Variants in PPP1R1C observed in about 807,000 individuals in gnomAD.
PPP1R1C encodes protein phosphatase 1 regulatory subunit 1C.
PPP1R1C carries 15 observed loss-of-function variants against 17.4 expected under a neutral mutation model. That is an observed-to-expected ratio of 0.86 (90% CI 0.58 to 1.33). The LOEUF (loss-of-function observed/expected upper bound fraction) is 1.33, where lower values mean the gene tolerates loss of function less well. Among genes scored for constraint, PPP1R1C ranks in the 40% most tolerant of loss-of-function variants. PPP1R1C has a pLI of 0.00. For synonymous variants in PPP1R1C, 35 were observed against 43.1 expected (o/e 0.81, Z 0.73); for missense variants, 143 against 130.0 (o/e 1.10, Z -0.48).
At chr2:181,997,197 C>T (rs1153739) in intron 2 of PPP1R1C, among the ~76,000 whole-genome samples, 5,424 of 149,862 alleles carry the variant, frequency 0.036, 365 homozygotes, top group Admixed American at 0.18. Context: ...CCACTGCACT[C>T]CAGCCTGGGC....
rs115692675 is a variant in PPP1R1C at position 181,987,666 on chromosome 2, T to C, written c.82-173T>C. On this transcript the variant is annotated intron_variant, in intron 1 of 4. Coordinates refer to ENST00000682840, the MANE Select transcript of PPP1R1C (RefSeq NM_001080545.3). ...ATACTTCTATCAGACAGTTCAATTC[T>C]GTGGCTTTCTATTATTTCAAAATAA... Among the ~76,000 whole-genome samples the C allele has an allele frequency of 3.7e-3, 559 of 152,360 alleles. 5 individuals are homozygous for C. Among genetic ancestry groups the C allele is most frequent in the African/African-American group, 0.013 (539 of 41,590 alleles).
At chr2:182,058,005 T>G (rs1268279876) in intron 2 of PPP1R1C, among the ~76,000 whole-genome samples, 1 of 152,142 alleles carries the variant, frequency 6.6e-6, no homozygotes, top group Admixed American at 6.6e-5. Context: ...GAGCACCTTC[T>G]TCACACACAG....
chr2:182,096,526 C>T (rs1574449294), intron 4 of PPP1R1C, among the ~76,000 whole-genome samples: 1 of 149,598 alleles, frequency 6.7e-6, no homozygotes, highest in Non-Finnish European at 1.5e-5. Flanking sequence ...CTGGTGGCTC[C>T]GACTCCCGTG....
chr2:182,000,586 C>A (rs1192078310), intron 2 of PPP1R1C, among the ~76,000 whole-genome samples: 1 of 152,046 alleles, frequency 6.6e-6, no homozygotes, highest in African/African-American at 2.4e-5. Flanking sequence ...GCAACAGTTA[C>A]CATAGAGACA....
At chr2:182,029,425 C>G (rs1419574472) in intron 2 of PPP1R1C, among the ~76,000 whole-genome samples, 2 of 152,088 alleles carry the variant, frequency 1.3e-5, no homozygotes, top group East Asian at 1.9e-4. Flanking sequence ...CCAAATCTCT[C>G]AGCATTTGCT....
intron 4 of PPP1R1C, among the ~76,000 whole-genome samples, chr2:182,074,333 G>C (rs1248973396): frequency 6.6e-6 from 1 of 152,030 alleles, no homozygotes; most frequent in Admixed American, 6.6e-5. Context: ...GAGACACTGC[G>C]CCCAGCCAAA....
chr2:182,099,591 G>A (rs1000799454), intron 4 of PPP1R1C, among the ~76,000 whole-genome samples: 2 of 152,162 alleles, frequency 1.3e-5, no homozygotes, highest in Admixed American at 6.5e-5. Context: ...AAGAATTATA[G>A]AATCATGGAT....
chr2:182,064,057 T>TA (rs1162653327), intron 4 of PPP1R1C: 7 of 426,034 alleles, frequency 1.6e-5, no homozygotes, highest in East Asian at 1.5e-4. Flanking sequence ...GATTTTTTTT[T>TA]ACCGTTATTC....
chr2:182,024,502 C>A (rs184496468), intron 2 of PPP1R1C, among the ~76,000 whole-genome samples: 1 of 151,430 alleles, frequency 6.6e-6, no homozygotes, highest in Non-Finnish European at 1.5e-5. Flanking sequence ...TGTTACCTCT[C>A]GGTGAAGAAA....
chr2:182,026,350 G>A (rs1294851632), intron 2 of PPP1R1C, among the ~76,000 whole-genome samples: 44 of 141,642 alleles, frequency 3.1e-4, no homozygotes, highest in African/African-American at 9.5e-4. Context: ...TAGGTCTAAC[G>A]TTTAAGTCTT....
At chr2:182,118,470 G>T (rs971619182), downstream of PPP1R1C, among the ~76,000 whole-genome samples, 1 of 152,012 alleles carries the variant, frequency 6.6e-6, no homozygotes, top group African/African-American at 2.4e-5. Context: ...AAATTCAAAT[G>T]TATCATGGAT....
intron 4 of PPP1R1C, among the ~76,000 whole-genome samples, chr2:182,102,221 CT>C (rs1384903606): frequency 3.9e-5 from 6 of 152,162 alleles, no homozygotes; most frequent in Non-Finnish European, 7.3e-5. Flanking sequence ...ATAAATATGT[CT>C]GTTATTCTAT....
chr2:182,092,460 C>T (rs1438559704), intron 4 of PPP1R1C, among the ~76,000 whole-genome samples: 2 of 152,178 alleles, frequency 1.3e-5, no homozygotes, highest in African/African-American at 4.8e-5. Context: ...CTCATTTCTT[C>T]ACATTTCAAA....
intron 4 of PPP1R1C, among the ~76,000 whole-genome samples, chr2:182,077,346 G>A (rs761859179): frequency 6.6e-6 from 1 of 152,072 alleles, no homozygotes; most frequent in South Asian, 2.1e-4. Context: ...TATGTGAATC[G>A]ACTTTAATTA....
rs183542842 is a variant in PPP1R1C, at chr2:182,042,093, T to C, written c.143-19349T>C. ...TTGTATTTAACACATCTTACTCACG[T>C]TGAATTGTGATAATTGAATTATGTA... On this transcript the variant is annotated intron_variant, in intron 2 of 4. Transcript: ENST00000682840. 1.4e-3 allele frequency among the ~76,000 whole-genome samples: 214 copies of C among 152,306 alleles called. 2 individuals are homozygous for C. Among genetic ancestry groups the C allele is most frequent in the Middle Eastern group, 6.8e-3 (2 of 294 alleles).
At chr2:181,971,511 T>C (rs927656548) in intron 1 of PPP1R1C, among the ~76,000 whole-genome samples, 100 of 152,274 alleles carry the variant, frequency 6.6e-4, no homozygotes, top group African/African-American at 2.3e-3. Context: ...CTTTTGGTGC[T>C]ACAAGCTGTG....
chr2:182,071,382 G>C (rs937707871), intron 4 of PPP1R1C, among the ~76,000 whole-genome samples: 7 of 152,164 alleles, frequency 4.6e-5, no homozygotes, highest in African/African-American at 1.7e-4. Context: ...TGAGGTAGTG[G>C]ATTTTTGGAA....
At chr2:181,988,167 G>A (rs1685358113) in intron 2 of PPP1R1C, among the ~76,000 whole-genome samples, 1 of 152,202 alleles carries the variant, frequency 6.6e-6, no homozygotes, top group African/African-American at 2.4e-5. Context: ...ATATGTTCAG[G>A]TGTTTGTATG....
At chr2:181,999,158 C>A (rs1685693176) in intron 2 of PPP1R1C, among the ~76,000 whole-genome samples, 1 of 152,108 alleles carries the variant, frequency 6.6e-6, no homozygotes. Context: ...GAATAAGCAA[C>A]ATATTCAAAA....
Sources: allele counts gnomAD v4.1 joint callset (sites outside exome capture counted in the v4.1 genomes callset), GRCh38; gene constraint gnomAD v4.1.1; transcripts MANE v1.5; gene names NCBI Gene and HGNC (gene_info 2026-07-23, HGNC 2026-07-21).